The following GNG4 variants were observed in gnomAD, a reference collection of about 807,000 sequenced individuals.
The protein encoded by GNG4 is G protein subunit gamma 4.
GNG4 carries 4 observed loss-of-function variants against 5.8 expected under a neutral mutation model. That is an observed-to-expected ratio of 0.69 (90% CI 0.34 to 1.57). The LOEUF is 1.57. GNG4 is among the 40% of genes most tolerant of loss of function. The probability of loss-of-function intolerance (pLI) is 0.06; values close to 1 mark genes in which losing one functional copy is unlikely to be tolerated. For synonymous variants in GNG4, 29 were observed against 32.9 expected (o/e 0.88, Z 0.41); for missense variants, 96 against 95.1 (o/e 1.01, Z -0.04).
chr1:235,636,509 G>A (rs1012739035), intron 1 of GNG4, among the ~76,000 whole-genome samples: 42 of 152,158 alleles, frequency 2.8e-4, no homozygotes, highest in Admixed American at 7.2e-4. Flanking sequence ...AGTGCCTGCA[G>A]CAAGCCACGG....
chr1:235,611,141 A>G (rs561878930), intron 1 of GNG4, among the ~76,000 whole-genome samples: 2 of 151,816 alleles, frequency 1.3e-5, no homozygotes, highest in South Asian at 2.1e-4. Context: ...AAATGTAGTT[A>G]CCCACAGGGC....
chr1:235,569,390 G>A (rs1480241368), intron 3 of GNG4, among the ~76,000 whole-genome samples: 4 of 151,276 alleles, frequency 2.6e-5, no homozygotes, highest in South Asian at 2.1e-4. Context: ...CCGGGAAGGC[G>A]GAAGCTGCAG....
rs1037923874 is a variant in GNG4, at chr1:235,595,415, C to T, written c.-26G>A. On this transcript the variant is annotated 5_prime_UTR_variant, in exon 2 of 4. Coordinates refer to ENST00000391854, the MANE Select transcript of GNG4 (RefSeq NM_001098722.2). ...CTCTCCTTACCTGCTGAGAGGCAGCCGTGTGACAGGCCTGGGCAAGGGACA... is the reference window on the plus strand; with the variant it reads ...CTCTCCTTACCTGCTGAGAGGCAGCTGTGTGACAGGCCTGGGCAAGGGACA... 1 of 152,330 alleles carries T rather than the reference C, an allele frequency of 6.6e-6. No homozygotes were observed. Among genetic ancestry groups the T allele is most frequent in the African/African-American group, 2.4e-5 (1 of 41,456 alleles). 9.4% of individuals were successfully genotyped at this position (152,330 alleles called of 1,614,324 possible). A position where few individuals can be genotyped will look rare whatever the true frequency, so the allele number is the denominator to read the frequency against.
intron 3 of GNG4, among the ~76,000 whole-genome samples, chr1:235,575,933 T>C (rs550160122): frequency 6.6e-6 from 1 of 152,320 alleles, no homozygotes; most frequent in East Asian, 1.9e-4. Flanking sequence ...GAACTCTGCA[T>C]TGTGGCTGTG....
chr1:235,562,262 C>G (rs1025836320), intron 3 of GNG4, among the ~76,000 whole-genome samples: 1 of 152,158 alleles, frequency 6.6e-6, no homozygotes, highest in Non-Finnish European at 1.5e-5. Context: ...CTTTGTTCTT[C>G]TCCTTCAGTA....
At chr1:235,628,796 A>G (rs1408207601) in intron 1 of GNG4, among the ~76,000 whole-genome samples, 1 of 152,146 alleles carries the variant, frequency 6.6e-6, no homozygotes, top group Non-Finnish European at 1.5e-5. Context: ...TTTTAAAGAC[A>G]GCTTCCCTGC....
chr1:235,627,298 C>T (rs1032966473), intron 1 of GNG4, among the ~76,000 whole-genome samples: 26 of 152,200 alleles, frequency 1.7e-4, no homozygotes, highest in African/African-American at 5.3e-4. Context: ...TCTCAGCTCA[C>T]GACAACCTCC....
At chr1:235,579,525 C>T (rs1430034579) in intron 3 of GNG4, among the ~76,000 whole-genome samples, 1 of 151,880 alleles carries the variant, frequency 6.6e-6, no homozygotes, top group Non-Finnish European at 1.5e-5. Context: ...GTGATGAAGC[C>T]CCTGTGTAAG....
At chr1:235,600,603 T>C (rs1262215284) in intron 1 of GNG4, among the ~76,000 whole-genome samples, 1 of 151,546 alleles carries the variant, frequency 6.6e-6, no homozygotes, top group African/African-American at 2.4e-5. Context: ...TTTAAACTTT[T>C]TGTACAGACA....
At chr1:235,587,654 T>TGTG (rs1331573015) in intron 2 of GNG4, among the ~76,000 whole-genome samples, 10 of 2,506 alleles carry the variant, frequency 4.0e-3, no homozygotes, top group South Asian at 0.012. Context: ...TGGGAGGGTG[T>TGTG]TGGGTGTGTG....
chr1:235,591,849 G>A (rs755599738), intron 2 of GNG4, among the ~76,000 whole-genome samples: 5 of 152,198 alleles, frequency 3.3e-5, no homozygotes, highest in African/African-American at 7.2e-5. Context: ...CACATAGGTC[G>A]CACCGGGGGT....
intron 3 of GNG4, among the ~76,000 whole-genome samples, chr1:235,565,487 G>GAA (rs1687171863): frequency 6.6e-6 from 1 of 152,164 alleles, no homozygotes. Context: ...CTGGGCTTGT[G>GAA]ACAGAGTGAG....
rs549408285 is a variant in GNG4, at chr1:235,605,957, G to GA, written c.-122-10447_-122-10446insT. On this transcript the variant is annotated intron_variant, in intron 1 of 3. Transcript: ENST00000391854. The stretch of plus-strand genomic sequence containing the variant: ...TTTTATTTTTTTGATTGAGAGTGTG[G>GA]GGGGGTGGGTCTCACTGTGTTGCCC... Among the ~76,000 whole-genome samples, 32 of 131,946 alleles carry GA rather than the reference G, an allele frequency of 2.4e-4. No homozygotes were observed. In the South Asian group the frequency reaches 7.7e-3, roughly 32 times the overall value. 86.6% of individuals were successfully genotyped at this position (131,946 alleles called of 152,430 possible).
At chr1:235,594,103 A>T (rs1010055915) in intron 2 of GNG4, among the ~76,000 whole-genome samples, 12 of 152,306 alleles carry the variant, frequency 7.9e-5, no homozygotes, top group South Asian at 4.1e-4. Context: ...TGAGCTAGAC[A>T]CAAAAGTTCT....
chr1:235,580,462 G>T (rs16832171), intron 3 of GNG4, among the ~76,000 whole-genome samples: 5,290 of 152,210 alleles, frequency 0.035, 302 homozygotes, highest in African/African-American at 0.12. Context: ...ATGTTCAAGG[G>T]TGTCCAAGCA....
rs1035501061 is a variant in GNG4, at chr1:235,644,311, C to T, written c.-123+5351G>A. Among the ~76,000 whole-genome samples the T allele has an allele frequency of 2.2e-4, 34 of 152,348 alleles. No homozygotes were observed. Among genetic ancestry groups the T allele is most frequent in the African/African-American group, 7.9e-4 (33 of 41,582 alleles). ...CCAGAGAGAATTCAGTGGCCGGCAA[C>T]ACTGCCAGTTCCCCTTTATTTCCCT... On this transcript the variant is annotated intron_variant, in intron 1 of 3. Coordinates refer to ENST00000391854, the MANE Select transcript of GNG4 (RefSeq NM_001098722.2). This position sits in a 1 kb window ranked among gnomAD's most constrained non-coding sequence, Gnocchi z 5.9.
At chr1:235,608,930 C>T (rs778481989) in intron 1 of GNG4, among the ~76,000 whole-genome samples, 24 of 152,058 alleles carry the variant, frequency 1.6e-4, no homozygotes, top group Admixed American at 9.8e-4. Context: ...GTGATCCACC[C>T]GCCTCGGCCT....
Position 235,564,717 on chromosome 1 carries a change from G to C in GNG4, c.100-12480C>G, listed in dbSNP as rs527984669. Among the ~76,000 whole-genome samples the C allele has an allele frequency of 8.9e-4, 135 of 152,224 alleles. 2 individuals are homozygous for C. In the South Asian group the frequency reaches 0.027, roughly 31 times the overall value. On this transcript the variant is annotated intron_variant, in intron 3 of 3. Transcript: ENST00000391854. ...TATTATTTTTTTTAGACAGAGTCTA[G>C]CTCTGTTGCCCAGGCTGGAGTGCAG...
At chr1:235,601,586 A>C (rs1311496189) in intron 1 of GNG4, among the ~76,000 whole-genome samples, 1 of 152,168 alleles carries the variant, frequency 6.6e-6, no homozygotes, top group East Asian at 1.9e-4. Flanking sequence ...TCATGGGTGT[A>C]TGTGGGCTGG....
Sources: gnomAD v4.1 joint callset for allele counts (sites outside exome capture counted in the v4.1 genomes callset) on GRCh38, gnomAD v4.1.1 for gene constraint, Gnocchi (gnomAD v3.1) non-coding constraint, MANE v1.5 for transcripts, NCBI Gene and HGNC (gene_info 2026-07-23, HGNC 2026-07-21) for gene names.